The following LHFPL3 variants were observed in gnomAD, a reference collection of about 807,000 sequenced individuals.
The protein encoded by LHFPL3 is LHFPL tetraspan subfamily member 3 protein.
In LHFPL3, 5 loss-of-function variants were observed where a neutral mutation model predicts 19.3. The observed-to-expected ratio is 0.26, with a 90% CI of 0.14 to 0.54. The LOEUF is 0.54. Among genes scored for constraint, LHFPL3 ranks in the 20% least tolerant of loss-of-function variants. The pLI is 0.94. For synonymous variants in LHFPL3, 133 were observed against 126.2 expected, an observed-to-expected ratio of 1.05 and a Z score of -0.36; for missense variants, 249 against 307.4, an observed-to-expected ratio of 0.81 and a Z score of 1.42.
chr7:104,357,769 C>A (rs1790308433), intron 1 of LHFPL3, among the ~76,000 whole-genome samples: 5 of 151,908 alleles, frequency 3.3e-5, no homozygotes, highest in Admixed American at 2.0e-4. Context: ...CCTCCTCCTC[C>A]TCCTCCTTCT....
chr7:104,773,198 C>A (rs978921379), intron 2 of LHFPL3, among the ~76,000 whole-genome samples: 2 of 152,328 alleles, frequency 1.3e-5, no homozygotes, highest in South Asian at 4.1e-4. Flanking sequence ...CCTGACAGGG[C>A]AGTGAGGGGC....
chr7:104,403,566 T>G (rs978250648), intron 1 of LHFPL3, among the ~76,000 whole-genome samples: 3 of 152,236 alleles, frequency 2.0e-5, no homozygotes, highest in African/African-American at 7.2e-5. Flanking sequence ...CTTTGGTCTT[T>G]GTATACATTT....
intron 1 of LHFPL3, among the ~76,000 whole-genome samples, chr7:104,713,945 C>T (rs1793340495): frequency 6.6e-6 from 1 of 152,188 alleles, no homozygotes; most frequent in Admixed American, 6.5e-5. Context: ...TGGGGCCACT[C>T]TAGCCTCCAT....
chr7:104,535,773 G>C (rs1794378628), intron 1 of LHFPL3, among the ~76,000 whole-genome samples: 1 of 152,364 alleles, frequency 6.6e-6, no homozygotes, highest in South Asian at 2.1e-4. Flanking sequence ...AGAAAGAAGA[G>C]ATGCAGAGAG....
At chr7:104,640,277 C>T (rs1791807305) in intron 1 of LHFPL3, among the ~76,000 whole-genome samples, 1 of 152,132 alleles carries the variant, frequency 6.6e-6, no homozygotes, top group African/African-American at 2.4e-5. Flanking sequence ...TCCCCTTTCT[C>T]CCAACCCTCC....
chr7:104,500,050 A>G (rs1264027960), intron 1 of LHFPL3, among the ~76,000 whole-genome samples: 3 of 152,220 alleles, frequency 2.0e-5, no homozygotes, highest in Non-Finnish European at 2.9e-5. Context: ...TACAGTGACT[A>G]TGCATTGCCT....
intron 1 of LHFPL3, among the ~76,000 whole-genome samples, chr7:104,430,763 C>T (rs1034290185): frequency 3.3e-5 from 5 of 151,900 alleles, no homozygotes; most frequent in East Asian, 3.9e-4. Flanking sequence ...CCACTGCGCC[C>T]GGCCCTTCTG....
chr7:104,756,507 ATTTAT>A (rs961496666), intron 2 of LHFPL3, among the ~76,000 whole-genome samples: 106 of 152,156 alleles, frequency 7.0e-4, no homozygotes, highest in Middle Eastern at 3.4e-3. Context: ...ATTTTTATTT[ATTTAT>A]TTATTTTTAG....
intron 2 of LHFPL3, among the ~76,000 whole-genome samples, chr7:104,786,117 C>T (rs1211063756): frequency 6.6e-6 from 1 of 152,198 alleles, no homozygotes; most frequent in Non-Finnish European, 1.5e-5. Flanking sequence ...GGAATAAACA[C>T]TTACCAAGGA....
intron 1 of LHFPL3, among the ~76,000 whole-genome samples, chr7:104,441,054 A>G (rs1020553932): frequency 6.7e-6 from 1 of 148,524 alleles, no homozygotes; most frequent in Non-Finnish European, 1.5e-5. Flanking sequence ...AACTCTTAAC[A>G]TGAGATCTAC....
intron 1 of LHFPL3, among the ~76,000 whole-genome samples, chr7:104,365,787 C>CCAAAAAAA (rs1554381840): frequency 4.0e-5 from 2 of 49,956 alleles, no homozygotes; most frequent in African/African-American, 8.2e-5. Context: ...GACTCCGTCT[C>CCAAAAAAA]AAAAAAAAAA....
intron 1 of LHFPL3, among the ~76,000 whole-genome samples, chr7:104,405,243 TAAA>T (rs1388211772): frequency 6.6e-6 from 1 of 152,144 alleles, no homozygotes; most frequent in Non-Finnish European, 1.5e-5. Context: ...TAGACTGAAG[TAAA>T]AAAATGACAT....
rs745992242 is a variant in LHFPL3, at chr7:104,328,934, T to C, written c.155T>C (p.Val52Ala). The change falls in exon 1 of 3, where the codon GTG becomes GCG. Residue 52 changes from valine (V) to alanine (A), a missense_variant. Coordinates refer to ENST00000424859, the MANE Select transcript of LHFPL3 (RefSeq NM_199000.3). The surrounding 1 kb of genome is among the most constrained non-coding windows in gnomAD (Gnocchi z 4.6). ...ACCATCTGCTTTGCCATCGTCAACG[T>C]GGTGTGCTTCATCCAGCCCTACTGG... The part of the protein sequence containing the change: ...IFTICFAIVN[V>A]VCFIQPYWIG... 4.3e-6 allele frequency: 7 copies of C among 1,614,056 alleles called. No individual in the cohort carries two copies. The South Asian group carries it at 5.5e-5, about 13-fold the overall frequency.
At chr7:104,447,398 C>G (rs1253142092) in intron 1 of LHFPL3, among the ~76,000 whole-genome samples, 1 of 152,074 alleles carries the variant, frequency 6.6e-6, no homozygotes, top group African/African-American at 2.4e-5. Flanking sequence ...ATTGGTCAAT[C>G]AAAACATTAA....
At chr7:104,867,584 T>C (rs1791751442) in intron 2 of LHFPL3, among the ~76,000 whole-genome samples, 1 of 152,076 alleles carries the variant, frequency 6.6e-6, no homozygotes, top group Non-Finnish European at 1.5e-5. Context: ...AGGCAATAAT[T>C]AATAGCTTAC....
In LHFPL3 at chr7:104,465,571, G is replaced by A. The variant is rs145465193; in HGVS notation, c.445+136347G>A. ...CTCAGGAAACGTAGCAGAAAGGGAA[G>A]CAAGCACTTCCTTCTTTACATGGCA... On this transcript the variant is annotated intron_variant, in intron 1 of 2. Transcript: ENST00000424859. Among the ~76,000 whole-genome samples the A allele has an allele frequency of 1.9e-3, 289 of 152,326 alleles. 1 individual carries two copies. Among genetic ancestry groups the A allele is most frequent in the African/African-American group, 6.7e-3 (280 of 41,588 alleles).
In LHFPL3 at chr7:104,450,058, C is replaced by T. The variant is rs559838717; in HGVS notation, c.445+120834C>T. Among the ~76,000 whole-genome samples the T allele has an allele frequency of 6.2e-4, 95 of 152,302 alleles. No individual in the cohort carries two copies. The South Asian group carries it at 0.011, about 17-fold the overall frequency. On this transcript the variant is annotated intron_variant, in intron 1 of 2. Transcript: ENST00000424859. ...AAGGAGAGCCAGAAGAGACCCCTCT[C>T]AGGATGGAAATATTGGTAATTTATT... is the stretch of plus-strand genomic sequence containing the variant.
chr7:104,873,936 G>A (rs1428930905), intron 2 of LHFPL3, among the ~76,000 whole-genome samples: 1 of 152,226 alleles, frequency 6.6e-6, no homozygotes, highest in East Asian at 1.9e-4. Context: ...AGAAATGGTG[G>A]GGGCAGGGGC....
intron 2 of LHFPL3, among the ~76,000 whole-genome samples, chr7:104,828,864 G>C (rs1200153939): frequency 1.3e-5 from 2 of 151,768 alleles, no homozygotes; most frequent in African/African-American, 4.9e-5. Context: ...GTGAAACCCT[G>C]TCTCCACTAA....
Sources: gnomAD v4.1 joint callset for allele counts (sites outside exome capture counted in the v4.1 genomes callset) on GRCh38, gnomAD v4.1.1 for gene constraint, Gnocchi (gnomAD v3.1) non-coding constraint, MANE v1.5 for transcripts, NCBI Gene and HGNC (gene_info 2026-07-23, HGNC 2026-07-21) for gene names.